The following WWOX variants were observed in gnomAD, a reference collection of about 807,000 sequenced individuals.
The protein encoded by WWOX is WW domain-containing oxidoreductase.
WWOX carries 69 observed loss-of-function variants against 46.2 expected under a neutral mutation model. That is an observed-to-expected ratio of 1.49 (90% CI 1.23 to 1.82). The LOEUF is 1.82. Among genes scored for constraint, WWOX ranks in the 40% most tolerant of loss-of-function variants. WWOX has a pLI of 0.00. For synonymous variants in WWOX, 359 were observed against 202.6 expected (o/e 1.77, Z -6.56); for missense variants, 919 against 542.6 (o/e 1.69, Z -6.89).
chr16:78,728,755 C>G (rs1483054496), intron 8 of WWOX, among the ~76,000 whole-genome samples: 1 of 152,118 alleles, frequency 6.6e-6, no homozygotes, highest in Non-Finnish European at 1.5e-5. Context: ...AAACAATCTT[C>G]CTTGTAAAGA....
At chr16:78,270,973 C>T (rs1340428696) in intron 5 of WWOX, among the ~76,000 whole-genome samples, 1 of 152,076 alleles carries the variant, frequency 6.6e-6, no homozygotes, top group Non-Finnish European at 1.5e-5. Flanking sequence ...ATTGAAAGGC[C>T]TCATCTTACA....
intron 5 of WWOX, among the ~76,000 whole-genome samples, chr16:78,360,938 A>T (rs932744223): frequency 3.3e-5 from 5 of 151,918 alleles, no homozygotes; most frequent in African/African-American, 1.2e-4. Flanking sequence ...CTCCCACCTC[A>T]GTCTCCTGAG....
At chr16:78,892,175 A>G (rs1042864197) in intron 8 of WWOX, 10 of 152,190 alleles carry the variant, frequency 6.6e-5, no homozygotes, top group African/African-American at 2.4e-4. Context: ...AGCGGAATCT[A>G]AGAAATTGCA....
chr16:78,940,870 C>G (rs75855643), intron 8 of WWOX, among the ~76,000 whole-genome samples: 3 of 151,820 alleles, frequency 2.0e-5, no homozygotes, highest in African/African-American at 7.3e-5. Context: ...TAAGTTGTAT[C>G]GATCATGTAT....
intron 8 of WWOX, among the ~76,000 whole-genome samples, chr16:78,556,506 A>C (rs886291558): frequency 6.6e-6 from 1 of 152,136 alleles, no homozygotes; most frequent in Non-Finnish European, 1.5e-5. Context: ...TGCCATCTTA[A>C]CTACAATTAG....
chr16:78,979,232 T>A (rs2046633457), intron 8 of WWOX, among the ~76,000 whole-genome samples: 1 of 152,120 alleles, frequency 6.6e-6, no homozygotes, highest in Middle Eastern at 3.2e-3. Context: ...TTGGAAAACA[T>A]ACAGAAGTAA....
At chr16:78,736,251 C>T (rs185936230) in intron 8 of WWOX, among the ~76,000 whole-genome samples, 243 of 152,274 alleles carry the variant, frequency 1.6e-3, no homozygotes, top group African/African-American at 5.5e-3. Context: ...GCCAGAAGGC[C>T]GGGCTGTGGT....
At chr16:78,130,482 A>G (rs1014627057) in intron 4 of WWOX, among the ~76,000 whole-genome samples, 3 of 152,214 alleles carry the variant, frequency 2.0e-5, no homozygotes, top group Admixed American at 2.0e-4. Flanking sequence ...CACTCGGTCC[A>G]TGATATTTTG....
At chr16:78,935,911 C>G (rs755430380) in intron 8 of WWOX, among the ~76,000 whole-genome samples, 43 of 150,982 alleles carry the variant, frequency 2.8e-4, no homozygotes, top group Non-Finnish European at 5.0e-4. Flanking sequence ...GACCCTGTCT[C>G]AAAATAAAAT....
At chr16:78,892,267 G>A (rs145034415) in intron 8 of WWOX, 8 of 152,260 alleles carry the variant, frequency 5.3e-5, no homozygotes, top group Non-Finnish European at 8.8e-5. Flanking sequence ...AGAGGCAAGA[G>A]GTACTCGATG....
At chr16:79,142,628 G>A (rs190227026) in intron 8 of WWOX, among the ~76,000 whole-genome samples, 5 of 152,128 alleles carry the variant, frequency 3.3e-5, no homozygotes, top group Admixed American at 6.5e-5. Flanking sequence ...TCTCCTCTTC[G>A]AGTCAGTATA....
At chr16:79,153,098 A>G (rs1374877572) in intron 8 of WWOX, among the ~76,000 whole-genome samples, 1 of 152,090 alleles carries the variant, frequency 6.6e-6, no homozygotes, top group African/African-American at 2.4e-5. Context: ...ATCCAAACTC[A>G]CTTGAGTACA....
chr16:78,991,641 G>T (rs1337086408), intron 8 of WWOX, among the ~76,000 whole-genome samples: 1 of 145,948 alleles, frequency 6.9e-6, no homozygotes, highest in Non-Finnish European at 1.5e-5. Flanking sequence ...TACCAGTGGT[G>T]GGGCCCCTTG....
At chr16:78,765,910 T>G (rs550316114) in intron 8 of WWOX, among the ~76,000 whole-genome samples, 1 of 152,270 alleles carries the variant, frequency 6.6e-6, no homozygotes, top group African/African-American at 2.4e-5. Flanking sequence ...GTGGCTTCCA[T>G]GCCCATTGGT....
chr16:78,457,575 C>A (rs1028816155), intron 8 of WWOX, among the ~76,000 whole-genome samples: 2 of 151,932 alleles, frequency 1.3e-5, no homozygotes, highest in African/African-American at 4.8e-5. Flanking sequence ...TTATAAGACT[C>A]TGCATTTACA....
At chr16:79,077,747 C>T (rs1352068043) in intron 8 of WWOX, among the ~76,000 whole-genome samples, 3 of 151,590 alleles carry the variant, frequency 2.0e-5, no homozygotes, top group East Asian at 3.9e-4. Context: ...TTTCCAAATC[C>T]TTTTGTTTTG....
intron 8 of WWOX, among the ~76,000 whole-genome samples, chr16:78,746,426 A>G (rs1184028674): frequency 6.6e-6 from 1 of 152,088 alleles, no homozygotes; most frequent in African/African-American, 2.4e-5. Flanking sequence ...TGAGCCCAGG[A>G]GTTTAAGGCT....
At chr16:78,439,255 G>C (rs941755948) in intron 8 of WWOX, among the ~76,000 whole-genome samples, 1 of 152,142 alleles carries the variant, frequency 6.6e-6, no homozygotes, top group African/African-American at 2.4e-5. Flanking sequence ...TCCTGAGTGA[G>C]GTTTGAATTT....
intron 8 of WWOX, among the ~76,000 whole-genome samples, chr16:79,120,107 C>T (rs1376151986): frequency 2.6e-5 from 4 of 152,140 alleles, no homozygotes; most frequent in Non-Finnish European, 5.9e-5. Flanking sequence ...AACATCCTGC[C>T]GTTAATGACC....
Sources: gnomAD v4.1 joint callset for allele counts (sites outside exome capture counted in the v4.1 genomes callset) on GRCh38, gnomAD v4.1.1 for gene constraint, MANE v1.5 for transcripts, NCBI Gene and HGNC (gene_info 2026-07-23, HGNC 2026-07-21) for gene names.